Variants in NRG3 observed in about 807,000 individuals in gnomAD.
NRG3 encodes the protein neuregulin 3, also known as pro-neuregulin-3, membrane-bound isoform.
NRG3 carries 31 observed loss-of-function variants against 66.9 expected under a neutral mutation model. The observed-to-expected ratio is 0.46, with a 90% CI of 0.35 to 0.63. The LOEUF is 0.63. Ranked by LOEUF, NRG3 falls within the 20% of genes least tolerant of loss-of-function variation. The pLI is 0.00. For missense variants in NRG3, 910 were observed against 878.9 expected (o/e 1.04, Z -0.45); for synonymous variants, 393 against 359.4 (o/e 1.09, Z -1.06).
intron 2 of NRG3, among the ~76,000 whole-genome samples, chr10:82,476,824 T>C (rs970100165): frequency 2.0e-5 from 3 of 152,048 alleles, no homozygotes; most frequent in Admixed American, 6.6e-5. Flanking sequence ...CACTGAAGAG[T>C]ATACTTAAAA....
chr10:81,910,484 A>G (rs1307064382), intron 1 of NRG3, among the ~76,000 whole-genome samples: 1 of 152,206 alleles, frequency 6.6e-6, no homozygotes, highest in Non-Finnish European at 1.5e-5. Flanking sequence ...AATGTAATCT[A>G]TGGGAAGCCA....
intron 3 of NRG3, among the ~76,000 whole-genome samples, chr10:82,769,269 T>C (rs1353901348): frequency 1.3e-5 from 2 of 152,118 alleles, no homozygotes; most frequent in Non-Finnish European, 1.5e-5. Context: ...CTAGAATACC[T>C]GAAGCACCAG....
intron 1 of NRG3, among the ~76,000 whole-genome samples, chr10:81,929,877 C>A (rs1485196595): frequency 5.3e-5 from 8 of 152,262 alleles, no homozygotes; most frequent in African/African-American, 1.9e-4. Context: ...GGGTTCATTT[C>A]AAGAATACTG....
chr10:81,968,579 A>G (rs1039203789), intron 1 of NRG3, among the ~76,000 whole-genome samples: 5 of 152,196 alleles, frequency 3.3e-5, no homozygotes, highest in Non-Finnish European at 7.3e-5. Flanking sequence ...TAAAACTGGC[A>G]TTTTGGATCT....
At chr10:82,919,763 G>A (rs1013267832) in intron 4 of NRG3, among the ~76,000 whole-genome samples, 4 of 152,088 alleles carry the variant, frequency 2.6e-5, no homozygotes, top group Admixed American at 2.6e-4. Flanking sequence ...ACCATAATTT[G>A]TATCAATATC....
At chr10:81,944,554 A>C (rs1483591282) in intron 1 of NRG3, among the ~76,000 whole-genome samples, 1 of 152,186 alleles carries the variant, frequency 6.6e-6, no homozygotes, top group Non-Finnish European at 1.5e-5. Context: ...TATTGGTTAG[A>C]AATGTGATTA....
chr10:82,954,537 C>G (rs1564662062), intron 5 of NRG3, among the ~76,000 whole-genome samples: 1 of 151,822 alleles, frequency 6.6e-6, no homozygotes, highest in Non-Finnish European at 1.5e-5. Context: ...GCCTGGGACA[C>G]AGTTTTATTT....
chr10:81,893,916 G>A (rs1170840795), intron 1 of NRG3, among the ~76,000 whole-genome samples: 2 of 152,192 alleles, frequency 1.3e-5, no homozygotes, highest in East Asian at 3.9e-4. Flanking sequence ...TTTTTTTCCT[G>A]AAACTCAAGA....
At chr10:82,858,230 T>G (rs2063915517) in intron 3 of NRG3, among the ~76,000 whole-genome samples, 1 of 152,232 alleles carries the variant, frequency 6.6e-6, no homozygotes, top group Admixed American at 6.5e-5. Context: ...GTGGATCCCA[T>G]GTTTTGTTTT....
intron 2 of NRG3, among the ~76,000 whole-genome samples, chr10:82,635,734 C>G (rs2050151578): frequency 6.6e-6 from 1 of 152,148 alleles, no homozygotes; most frequent in Non-Finnish European, 1.5e-5. Flanking sequence ...ATGTTCTCTT[C>G]TCCTTTCCCT....
At chr10:82,556,527 C>G (rs1379237433) in intron 2 of NRG3, among the ~76,000 whole-genome samples, 2 of 152,116 alleles carry the variant, frequency 1.3e-5, no homozygotes, top group Non-Finnish European at 2.9e-5. Context: ...AAATGCCGAC[C>G]AATGGCATCT....
intron 4 of NRG3, among the ~76,000 whole-genome samples, chr10:82,917,635 G>T (rs1845972720): frequency 6.6e-6 from 1 of 152,074 alleles, no homozygotes; most frequent in Admixed American, 6.6e-5. Flanking sequence ...CCTTGTTGGT[G>T]CTTGGAGTCA....
chr10:82,073,209 C>T (rs776780457), intron 1 of NRG3, among the ~76,000 whole-genome samples: 2 of 151,922 alleles, frequency 1.3e-5, no homozygotes, highest in Admixed American at 1.3e-4. Flanking sequence ...CAAGTGACAA[C>T]AAAATAAAGG....
intron 4 of NRG3, among the ~76,000 whole-genome samples, chr10:82,912,066 A>C (rs183137295): frequency 1.3e-5 from 2 of 152,032 alleles, no homozygotes; most frequent in African/African-American, 2.4e-5. Flanking sequence ...TATAATTTTC[A>C]TGTGTTAAGA....
chr10:82,124,548 C>T (rs1285938879), intron 1 of NRG3, among the ~76,000 whole-genome samples: 1 of 151,634 alleles, frequency 6.6e-6, no homozygotes, highest in African/African-American at 2.4e-5. Flanking sequence ...GGGAACGTCA[C>T]ACAACGGGGC....
At chr10:82,194,091 G>A (rs1297818731) in intron 1 of NRG3, among the ~76,000 whole-genome samples, 1 of 152,190 alleles carries the variant, frequency 6.6e-6, no homozygotes. Context: ...CCTTAACGAT[G>A]TGAAATTTTA....
At chr10:82,305,685 G>T (rs7093158) in intron 1 of NRG3, among the ~76,000 whole-genome samples, 39,853 of 151,698 alleles carry the variant, frequency 0.26, 5,371 homozygotes, top group Admixed American at 0.28. Context: ...TATCCTATAG[G>T]TATTATTATT....
intron 1 of NRG3, among the ~76,000 whole-genome samples, chr10:82,086,636 A>G (rs1261547754): frequency 1.3e-5 from 2 of 152,260 alleles, no homozygotes; most frequent in Non-Finnish European, 2.9e-5. Flanking sequence ...GAGAGGAAAC[A>G]GTGTGGACGC....
rs567026761 is a variant in NRG3, at chr10:82,453,789, G to T, written c.953+94921G>T. Among the ~76,000 whole-genome samples, 15 of 152,076 alleles carry T rather than the reference G, an allele frequency of 9.9e-5. 1 individual carries two copies. In the South Asian group the frequency reaches 1.5e-3, roughly 15 times the overall value. On this transcript the variant is annotated intron_variant, in intron 2 of 8. Transcript: ENST00000372141. Reference sequence around the variant, plus strand: ...TCTTCTGTTTCTCATTTATTCAACAGAGAGAAGGTTAAAAGCATGTTGTTT... The same window carrying T: ...TCTTCTGTTTCTCATTTATTCAACATAGAGAAGGTTAAAAGCATGTTGTTT...
Sources: allele counts gnomAD v4.1 joint callset (sites outside exome capture counted in the v4.1 genomes callset), GRCh38; gene constraint gnomAD v4.1.1; transcripts MANE v1.5; gene names NCBI Gene and HGNC (gene_info 2026-07-23, HGNC 2026-07-21).